The following RASGRP3 variants were observed in gnomAD, a reference collection of about 807,000 sequenced individuals.
RASGRP3 encodes ras guanyl-releasing protein 3.
A neutral mutation model predicts 82.7 loss-of-function variants in RASGRP3; 54 were observed. The observed-to-expected ratio is 0.65, with a 90% confidence interval of 0.52 to 0.82. RASGRP3 has a LOEUF of 0.82. Ranked by LOEUF, RASGRP3 falls within the 40% of genes least tolerant of loss-of-function variation. The pLI is 0.00. For missense variants in RASGRP3, 861 were observed against 828.9 expected (o/e 1.04, Z -0.48); for synonymous variants, 309 against 300.5 (o/e 1.03, Z -0.29).
chr2:33,439,245 G>C (rs1325887907), intron 1 of RASGRP3, among the ~76,000 whole-genome samples: 1 of 152,176 alleles, frequency 6.6e-6, no homozygotes, highest in Non-Finnish European at 1.5e-5. Context: ...GAAGTATACA[G>C]GACACAAAGC....
At chr2:33,447,435 T>C (rs1256428636) in intron 1 of RASGRP3, among the ~76,000 whole-genome samples, 4 of 135,342 alleles carry the variant, frequency 3.0e-5, no homozygotes, top group African/African-American at 1.0e-4. Context: ...CCTTGGAGTG[T>C]GCACATTTTT....
chr2:33,464,518 G>A (rs886970157), intron 2 of RASGRP3, among the ~76,000 whole-genome samples: 1 of 149,588 alleles, frequency 6.7e-6, no homozygotes, highest in East Asian at 1.9e-4. Flanking sequence ...CTGTCGCCCA[G>A]GCTGGAGTGC....
intron 2 of RASGRP3, among the ~76,000 whole-genome samples, chr2:33,449,207 C>G (rs979384558): frequency 2.6e-5 from 4 of 152,214 alleles, no homozygotes; most frequent in African/African-American, 9.6e-5. Context: ...AGGTGCATGA[C>G]ACATACCAAC....
intron 2 of RASGRP3, among the ~76,000 whole-genome samples, chr2:33,468,927 C>T (rs1485096505): frequency 6.6e-6 from 1 of 152,188 alleles, no homozygotes; most frequent in Non-Finnish European, 1.5e-5. Flanking sequence ...TTTTGACATA[C>T]ATTACAAAAT....
intron 4 of RASGRP3, among the ~76,000 whole-genome samples, chr2:33,519,176 T>C (rs1004823296): frequency 6.6e-6 from 1 of 152,196 alleles, no homozygotes; most frequent in Non-Finnish European, 1.5e-5. Flanking sequence ...CTGGCTACCA[T>C]GTCACCAGGC....
rs3087731 is a variant in RASGRP3 at position 33,563,089 on chromosome 2, C to T, written c.*352C>T. 74,282 of 272,268 alleles carry T rather than the reference C, an allele frequency of 0.27. 10,470 individuals are homozygous for T. Among genetic ancestry groups the T allele is most frequent in the Middle Eastern group, 0.3 (293 of 980 alleles). 16.9% of individuals were successfully genotyped at this position (272,268 alleles called of 1,614,324 possible). ...ATACTCAGTCTGTAAACTCAGACTT[C>T]GCTTTTTTTGTGAGACTATCCTTTC... On this transcript the variant is annotated 3_prime_UTR_variant, in exon 18 of 18. Coordinates refer to ENST00000403687, the MANE Select transcript of RASGRP3 (RefSeq NM_001139488.2).
intron 1 of RASGRP3, among the ~76,000 whole-genome samples, chr2:33,490,451 G>T (rs1668753216): frequency 6.6e-6 from 1 of 152,198 alleles, no homozygotes; most frequent in South Asian, 2.1e-4. Flanking sequence ...TTCTAAAAAA[G>T]CAGATCATTT....
intron 2 of RASGRP3, among the ~76,000 whole-genome samples, chr2:33,461,589 T>G (rs1410322537): frequency 6.6e-6 from 1 of 152,242 alleles, no homozygotes; most frequent in East Asian, 1.9e-4. Context: ...CTGCCACTTT[T>G]TAAAATGCGT....
Position 33,522,039 on chromosome 2 carries a change from G to A in RASGRP3, c.453G>A (p.Leu151=), listed in dbSNP as rs1376024096. 1 of 1,613,832 alleles carries A rather than the reference G, an allele frequency of 6.2e-7. No homozygotes were observed. The highest frequency in any genetic ancestry group is 1.1e-5 in the South Asian group (1 of 91,052). Residue 151 remains leucine, a synonymous_variant, in exon 7 of 18, where the codon CTG becomes CTA. Transcript: ENST00000403687. ...AAGCCTGTCTGCTGTTTGACCATCT[G>A]GAGCCCATTGAATTGGCTGAGCACC... ...KGKACLLFDH[L]EPIELAEHLT... is the part of the protein sequence containing the mutation.
At chr2:33,484,560 A>T (rs919232390) in intron 1 of RASGRP3, among the ~76,000 whole-genome samples, 1 of 152,078 alleles carries the variant, frequency 6.6e-6, no homozygotes, top group East Asian at 1.9e-4. Context: ...TGGTAAGGAC[A>T]GCACCCAGTC....
chr2:33,446,925 C>T (rs914833361), intron 1 of RASGRP3, among the ~76,000 whole-genome samples: 3 of 151,748 alleles, frequency 2.0e-5, no homozygotes, highest in South Asian at 2.1e-4. Flanking sequence ...GGGTGCATTA[C>T]GAGGTCAGGA....
chr2:33,473,908 T>C (rs1379877200), upstream of RASGRP3, among the ~76,000 whole-genome samples: 1 of 152,198 alleles, frequency 6.6e-6, no homozygotes, highest in Non-Finnish European at 1.5e-5. Context: ...GATTTCAGGA[T>C]GAAACTGTTC....
In RASGRP3 at chr2:33,558,820, T is replaced by A; in HGVS notation, c.1854T>A (p.Pro618=). The change falls in exon 17 of 18, where the codon CCT becomes CCA. Residue 618 remains proline, a synonymous_variant. Coordinates refer to ENST00000403687, the MANE Select transcript of RASGRP3 (RefSeq NM_001139488.2). ...ATTSQATQTE[P]VWSEAGWGDS... is the part of the protein sequence containing the mutation. ...CCAGCCAGGCCACCCAGACTGAACC[T>A]GTCTGGTCAGAGGCTGGCTGGGGGG... 1 of 1,614,024 alleles carries A rather than the reference T, an allele frequency of 6.2e-7. No individual in the cohort carries two copies. The highest frequency in any genetic ancestry group is 8.5e-7 in the Non-Finnish European group (1 of 1,179,888).
intron 1 of RASGRP3, among the ~76,000 whole-genome samples, chr2:33,445,748 A>G (rs1300568427): frequency 6.6e-6 from 1 of 151,984 alleles, no homozygotes; most frequent in Non-Finnish European, 1.5e-5. Flanking sequence ...ACATTAATAT[A>G]TTAATAATAT....
chr2:33,547,149 G>T (rs771340714), intron 13 of RASGRP3, among the ~76,000 whole-genome samples: 1 of 150,952 alleles, frequency 6.6e-6, no homozygotes, highest in Non-Finnish European at 1.5e-5. Context: ...GCAAACTAAC[G>T]CAGGAACAGA....
At chr2:33,456,752 TCA>T (rs1666061395) in intron 2 of RASGRP3, among the ~76,000 whole-genome samples, 1 of 152,182 alleles carries the variant, frequency 6.6e-6, no homozygotes, top group Non-Finnish European at 1.5e-5. Flanking sequence ...TTAATCCAAT[TCA>T]CACACAGGCA....
chr2:33,550,864 C>T (rs1021077381), intron 14 of RASGRP3, among the ~76,000 whole-genome samples: 1 of 152,176 alleles, frequency 6.6e-6, no homozygotes, highest in African/African-American at 2.4e-5. Context: ...AAATAAGAGG[C>T]AGCCGTTTCC....
At chr2:33,511,021 A>G (rs980863306) in intron 1 of RASGRP3, among the ~76,000 whole-genome samples, 1 of 152,224 alleles carries the variant, frequency 6.6e-6, no homozygotes, top group Non-Finnish European at 1.5e-5. Context: ...TCCTTTTGCT[A>G]CAAGAACATA....
intron 2 of RASGRP3, among the ~76,000 whole-genome samples, chr2:33,450,983 G>A (rs1665768744): frequency 6.6e-6 from 1 of 150,952 alleles, no homozygotes; most frequent in Non-Finnish European, 1.5e-5. Flanking sequence ...GACTACAGGT[G>A]CCTGCCACCA....
Sources: gnomAD v4.1 joint callset for allele counts (sites outside exome capture counted in the v4.1 genomes callset) on GRCh38, gnomAD v4.1.1 for gene constraint, MANE v1.5 for transcripts, NCBI Gene and HGNC (gene_info 2026-07-23, HGNC 2026-07-21) for gene names.